Variants in TSHZ2 observed in about 807,000 individuals in gnomAD.
TSHZ2 encodes the protein teashirt homolog 2.
Under a neutral mutation model 74.4 loss-of-function variants are expected in TSHZ2, and 21 were observed. The ratio of observed to expected loss-of-function variants is 0.28; its 90% CI spans 0.20 to 0.41. TSHZ2 has a LOEUF of 0.41. Among genes scored for constraint, TSHZ2 ranks in the 10% least tolerant of loss-of-function variants. TSHZ2 has a pLI of 1.00. For synonymous variants in TSHZ2, 540 were observed against 515.3 expected (o/e 1.05, Z -0.65); for missense variants, 1,244 against 1,293.5 (o/e 0.96, Z 0.59).
At chr20:53,288,987 T>C (rs1336773220) in intron 2 of TSHZ2, among the ~76,000 whole-genome samples, 1 of 152,062 alleles carries the variant, frequency 6.6e-6, no homozygotes, top group East Asian at 1.9e-4. Context: ...TTGCCCTGAG[T>C]CCCCAAAGTC....
intron 2 of TSHZ2, among the ~76,000 whole-genome samples, chr20:53,341,417 A>G (rs1233617792): frequency 6.6e-6 from 1 of 152,192 alleles, no homozygotes; most frequent in African/African-American, 2.4e-5. Flanking sequence ...AACTGGGATA[A>G]TCACAGAAGG....
At chr20:53,279,846 C>G (rs190535515) in intron 2 of TSHZ2, among the ~76,000 whole-genome samples, 42 of 152,254 alleles carry the variant, frequency 2.8e-4, no homozygotes, top group African/African-American at 9.6e-4. Flanking sequence ...TGAGGGGCAG[C>G]TTCTGACATA....
At chr20:53,469,927 C>T in intron 2 of TSHZ2, among the ~76,000 whole-genome samples, 1 of 147,342 alleles carries the variant, frequency 6.8e-6, no homozygotes, top group South Asian at 2.1e-4. Flanking sequence ...GGAAGGCAGG[C>T]AGGCAGGCAG....
rs202246859 is a variant in TSHZ2, at chr20:53,253,705, T to G, written c.247T>G (p.Ser83Ala). The G allele has an allele frequency of 7.8e-4, 1,258 of 1,613,750 alleles. 2 individuals are homozygous for G. Among genetic ancestry groups the G allele is most frequent in the Non-Finnish European group, 9.7e-4 (1,146 of 1,179,966 alleles). The change falls in exon 2 of 3, where the codon TCT becomes GCT. Residue 83 changes from serine to alanine, a missense_variant. Physicochemically the swap from Ser to Ala is moderately conservative, Grantham distance 99 (BLOSUM62 1). Around this residue, in one of 6 missense-constraint regions of TSHZ2, gnomAD observed 470 missense variants for 456.5 expected, o/e 1.03. Transcript: ENST00000371497. The part of the protein sequence containing the change: ...HLSNQDAENE[S>A]LLSDASDQVS... The stretch of plus-strand genomic sequence containing the variant: ...GTCCAATCAGGATGCCGAGAACGAG[T>G]CTCTGCTGAGTGACGCCAGTGATCA...
chr20:52,978,050 G>A (rs1455639791), intron 1 of TSHZ2, among the ~76,000 whole-genome samples: 2 of 152,164 alleles, frequency 1.3e-5, no homozygotes, highest in Non-Finnish European at 2.9e-5. Flanking sequence ...TAGGAGGTCG[G>A]TCCCTGAAGC....
chr20:53,338,550 T>C (rs113651068), intron 2 of TSHZ2, among the ~76,000 whole-genome samples: 178 of 152,296 alleles, frequency 1.2e-3, no homozygotes, highest in African/African-American at 3.8e-3. Context: ...TAGGGGACAG[T>C]TGACAATGCC....
At chr20:53,474,437 CT>C (rs1985929728) in intron 2 of TSHZ2, among the ~76,000 whole-genome samples, 1 of 106,216 alleles carries the variant, frequency 9.4e-6, no homozygotes, top group Non-Finnish European at 1.8e-5. Flanking sequence ...AAATAAAATA[CT>C]TTACAGACAA....
At chr20:53,041,192 GT>G (rs1438603874) in intron 1 of TSHZ2, among the ~76,000 whole-genome samples, 2 of 152,214 alleles carry the variant, frequency 1.3e-5, no homozygotes, top group Non-Finnish European at 2.9e-5. Context: ...TATGGCCCAT[GT>G]CTCCAAAAGG....
At chr20:53,449,815 A>G (rs1162306507) in intron 2 of TSHZ2, among the ~76,000 whole-genome samples, 1 of 152,172 alleles carries the variant, frequency 6.6e-6, no homozygotes, top group Non-Finnish European at 1.5e-5. Context: ...TCCCAATGCT[A>G]TTATTTATGT....
At chr20:53,190,058 C>G (rs1210352939) in intron 1 of TSHZ2, among the ~76,000 whole-genome samples, 1 of 117,038 alleles carries the variant, frequency 8.5e-6, no homozygotes, top group African/African-American at 3.2e-5. Flanking sequence ...GTACTCCAGC[C>G]TGGGTGACCA....
At chr20:53,183,275 G>A (rs546397808) in intron 1 of TSHZ2, among the ~76,000 whole-genome samples, 1 of 152,292 alleles carries the variant, frequency 6.6e-6, no homozygotes, top group East Asian at 1.9e-4. Context: ...CACCCAATGT[G>A]TAAGGGCCCC....
At chr20:53,121,212 CAT>C (rs1234531025) in intron 1 of TSHZ2, among the ~76,000 whole-genome samples, 2 of 152,136 alleles carry the variant, frequency 1.3e-5, no homozygotes, top group Admixed American at 6.5e-5. Context: ...GTATGTATAA[CAT>C]GTGAAAGTAT....
chr20:53,018,036 C>T (rs961657166), intron 1 of TSHZ2, among the ~76,000 whole-genome samples: 1 of 152,104 alleles, frequency 6.6e-6, no homozygotes, highest in Admixed American at 6.6e-5. Flanking sequence ...CTACAAGTAA[C>T]AAGGAAAACA....
chr20:53,154,129 C>T (rs1936969), intron 1 of TSHZ2, among the ~76,000 whole-genome samples: 36,922 of 152,152 alleles, frequency 0.24, 4,862 homozygotes, highest in Non-Finnish European at 0.3. Context: ...AAAATGTGTG[C>T]ATACAAACAA....
intron 1 of TSHZ2, among the ~76,000 whole-genome samples, chr20:53,005,964 G>A (rs1982629094): frequency 6.6e-6 from 1 of 152,112 alleles, no homozygotes; most frequent in Admixed American, 6.5e-5. Context: ...ACAGAGCAGG[G>A]TGAGATGGAA....
intron 2 of TSHZ2, among the ~76,000 whole-genome samples, chr20:53,378,769 G>A (rs1468852072): frequency 6.6e-6 from 1 of 152,082 alleles, no homozygotes; most frequent in Admixed American, 6.5e-5. Flanking sequence ...CTGCCACATG[G>A]AACCTGTTAC....
chr20:53,286,645 G>C (rs1312591049), intron 2 of TSHZ2, among the ~76,000 whole-genome samples: 1 of 152,136 alleles, frequency 6.6e-6, no homozygotes, highest in African/African-American at 2.4e-5. Context: ...AGCACTTTGG[G>C]TGACTAAAGT....
At chr20:53,219,861 A>G (rs1164707109) in intron 1 of TSHZ2, among the ~76,000 whole-genome samples, 1 of 152,216 alleles carries the variant, frequency 6.6e-6, no homozygotes, top group Admixed American at 6.5e-5. Context: ...GAGTCAAACT[A>G]AATATGTATG....
intron 1 of TSHZ2, among the ~76,000 whole-genome samples, chr20:53,085,123 G>A (rs1056403704): frequency 6.6e-6 from 1 of 152,140 alleles, no homozygotes. Context: ...TACTTTGGGA[G>A]GCTGAGATGG....
Sources: gnomAD v4.1 joint callset for allele counts (sites outside exome capture counted in the v4.1 genomes callset) on GRCh38, gnomAD v4.1.1 for gene constraint, gnomAD v4.1.1 regional missense constraint, MANE v1.5 for transcripts, NCBI Gene and HGNC (gene_info 2026-07-23, HGNC 2026-07-21) for gene names.